Variants in UQCRC2 observed in about 807,000 individuals in gnomAD.
UQCRC2 encodes the protein ubiquinol-cytochrome c reductase core protein 2, also known as cytochrome b-c1 complex subunit 2, mitochondrial.
In UQCRC2, 49 loss-of-function variants were observed where a neutral mutation model predicts 55.6. That is an observed-to-expected ratio of 0.88 (90% CI 0.70 to 1.12). The LOEUF (loss-of-function observed/expected upper bound fraction) is 1.12. Ranked by LOEUF, UQCRC2 falls within the 50% of genes most tolerant of loss-of-function variation. The pLI is 0.00. For synonymous variants in UQCRC2, 193 were observed against 192.0 expected (o/e 1.01, Z -0.04); for missense variants, 506 against 547.8 (o/e 0.92, Z 0.76).
intron 6 of UQCRC2, among the ~76,000 whole-genome samples, chr16:21,963,885 A>G (rs1898262549): frequency 6.6e-6 from 1 of 152,078 alleles, no homozygotes; most frequent in African/African-American, 2.4e-5. Flanking sequence ...CTCTTTATTG[A>G]GTCTTTCCAA....
At chr16:21,969,341 C>T (rs948631005) in intron 8 of UQCRC2, among the ~76,000 whole-genome samples, 1 of 152,092 alleles carries the variant, frequency 6.6e-6, no homozygotes, top group Non-Finnish European at 1.5e-5. Context: ...CAAGACCAGC[C>T]TAGCCAACAT....
Position 21,983,360 on chromosome 16 carries a change from C to T in UQCRC2, c.*189C>T, listed in dbSNP as rs543763530. The T allele has an allele frequency of 9.4e-5, 50 of 530,150 alleles. No individual in the cohort carries two copies. Among genetic ancestry groups the T allele is most frequent in the East Asian group, 2.2e-4 (7 of 32,184 alleles). The allele number at this position is 530,150 out of a possible 1,614,324, so 32.8% of individuals were successfully genotyped here. A position where few individuals can be genotyped will look rare whatever the true frequency, so the allele number is the denominator to read the frequency against. On this transcript the variant is annotated 3_prime_UTR_variant, in exon 14 of 14. Coordinates refer to ENST00000268379, the MANE Select transcript of UQCRC2 (RefSeq NM_003366.4). ...ACATTCTGTTTAAGTGTTTTTCTTA[C>T]GTTTTTCTCAATGAGTTAATCAACA... is the stretch of plus-strand genomic sequence containing the variant.
At chr16:21,956,307 G>C (rs1179307589) in intron 1 of UQCRC2, among the ~76,000 whole-genome samples, 10 of 152,108 alleles carry the variant, frequency 6.6e-5, no homozygotes, top group Admixed American at 6.5e-4. Flanking sequence ...ACTTTGTGAG[G>C]CCGAGGCGGG....
intron 1 of UQCRC2, among the ~76,000 whole-genome samples, chr16:21,955,792 A>T (rs919680613): frequency 8.5e-5 from 13 of 152,068 alleles, no homozygotes; most frequent in Non-Finnish European, 2.9e-5. Flanking sequence ...GAAAATATTG[A>T]GGGCTTGGAG....
At chr16:21,960,095 G>A (rs1214751946) in intron 4 of UQCRC2, among the ~76,000 whole-genome samples, 4 of 152,154 alleles carry the variant, frequency 2.6e-5, no homozygotes, top group African/African-American at 7.2e-5. Flanking sequence ...TCAGCTTGTC[G>A]TTTGAAGCTT....
chr16:21,983,072 G>A lies in UQCRC2; in HGVS notation c.1279-16G>A, dbSNP rs541178433. ...TTTATTTTTGTTAATTTTGTCTTTT[G>A]TTTGTTTCTTTAAAGGCGGCAAAGA... is the stretch of plus-strand genomic sequence containing the variant. On this transcript the variant is annotated splice_polypyrimidine_tract_variant and intron_variant, in intron 13 of 13. Coordinates refer to ENST00000268379, the MANE Select transcript of UQCRC2 (RefSeq NM_003366.4). 9.3e-6 allele frequency: 15 copies of A among 1,606,688 alleles called. No individual in the cohort carries two copies. The East Asian group carries it at 2.9e-4, about 31-fold the overall frequency.
At chr16:21,960,262 T>G (rs1471087856) in intron 4 of UQCRC2, among the ~76,000 whole-genome samples, 2 of 152,230 alleles carry the variant, frequency 1.3e-5, no homozygotes, top group Non-Finnish European at 2.9e-5. Context: ...AGCTTCTATA[T>G]TAGCATTTGC....
chr16:21,962,659 C>T (rs1597954347), intron 5 of UQCRC2, 102 bp from the exon 6 acceptor site: 2 of 1,593,244 alleles, frequency 1.3e-6, no homozygotes, highest in Non-Finnish European at 1.7e-6. Flanking sequence ...CTGCTTACCA[C>T]AAGACCTAAA....
chr16:21,968,804 A>G, intron 8 of UQCRC2, 119 bp downstream of exon 8: 2 of 762,166 alleles, frequency 2.6e-6, no homozygotes, highest in Non-Finnish European at 4.0e-6. Context: ...TATTTATGTC[A>G]GACAGGCAAT....
intron 2 of UQCRC2, 39 bp downstream of exon 2, chr16:21,957,357 C>T: frequency 1.2e-6 from 2 of 1,613,858 alleles, no homozygotes; most frequent in Non-Finnish European, 1.7e-6. Flanking sequence ...GCTATACATG[C>T]CTTACTCTCC....
chr16:21,976,153 CTTATCTGTCCTAGG>C lies in UQCRC2; in HGVS notation c.1048-8_1053del. ...TACTGACCACAGATGACCAACTTTT[CTTATCTGTCCTAGG>C]TTATCAAGGCTGCCTATAATCAAGT... On this transcript the variant is annotated splice_acceptor_variant and splice_polypyrimidine_tract_variant and coding_sequence_variant and intron_variant, in exon 12 of 14. Coordinates refer to ENST00000268379, the MANE Select transcript of UQCRC2 (RefSeq NM_003366.4). LOFTEE classifies it high-confidence loss of function. The C allele has an allele frequency of 6.2e-7, 1 of 1,610,818 alleles. No individual in the cohort carries two copies. Among genetic ancestry groups the C allele is most frequent in the East Asian group, 2.2e-5 (1 of 44,832 alleles).
intron 3 of UQCRC2, among the ~76,000 whole-genome samples, chr16:21,957,908 C>T (rs1312338843): frequency 6.6e-6 from 1 of 152,204 alleles, no homozygotes. Context: ...GCAGTCTCTG[C>T]CTTTGTTGTC....
chr16:21,956,732 GC>G (rs1462803186), intron 1 of UQCRC2, among the ~76,000 whole-genome samples: 1 of 152,074 alleles, frequency 6.6e-6, no homozygotes, highest in Non-Finnish European at 1.5e-5. Flanking sequence ...TTTAAGAATG[GC>G]TTGGGTAAAC....
rs930997270 is a variant in UQCRC2 at position 21,979,236 on chromosome 16, C to T, written c.1125-1311C>T. 9.9e-5 allele frequency among the ~76,000 whole-genome samples: 15 copies of T among 152,210 alleles called. 1 individual carries two copies. The highest frequency in any genetic ancestry group is 6.5e-5 in the Admixed American group (1 of 15,288). Reference sequence around the variant, plus strand: ...CTCTTCAAGATCCCTGGTCTTCACACTGTAGCAGCCAAAAGGTAGGTTTAC... The same window carrying T: ...CTCTTCAAGATCCCTGGTCTTCACATTGTAGCAGCCAAAAGGTAGGTTTAC... On this transcript the variant is annotated intron_variant, in intron 12 of 13. Transcript: ENST00000268379.
intron 4 of UQCRC2, chr16:21,959,608 C>T (rs1898154347): frequency 1.3e-5 from 2 of 152,712 alleles, no homozygotes; most frequent in Non-Finnish European, 2.9e-5. Flanking sequence ...TTGACATCCT[C>T]CCATGAGTCA....
In UQCRC2 at chr16:21,983,080, C is replaced by G. The variant is rs771748561; in HGVS notation, c.1279-8C>G. 9 of 1,607,564 alleles carry G rather than the reference C, an allele frequency of 5.6e-6. No homozygotes were observed. Among genetic ancestry groups the G allele is most frequent in the East Asian group, 4.5e-5 (2 of 44,578 alleles). On this transcript the variant is annotated splice_region_variant and splice_polypyrimidine_tract_variant and intron_variant, in intron 13 of 13. Transcript: ENST00000268379. Reference sequence around the variant, plus strand: ...TGTTAATTTTGTCTTTTGTTTGTTTCTTTAAAGGCGGCAAAGAAGTTTGTT... The same window carrying G: ...TGTTAATTTTGTCTTTTGTTTGTTTGTTTAAAGGCGGCAAAGAAGTTTGTT...
At chr16:21,974,145 C>T (rs1291176250) in intron 11 of UQCRC2, among the ~76,000 whole-genome samples, 169 bp downstream of exon 11, 14 of 152,194 alleles carry the variant, frequency 9.2e-5, no homozygotes, top group Non-Finnish European at 2.9e-5. Context: ...GAAATTTACA[C>T]ATGTATACTA....
chr16:21,967,629 G>A (rs1332270805), intron 7 of UQCRC2, among the ~76,000 whole-genome samples: 6 of 152,048 alleles, frequency 3.9e-5, no homozygotes, highest in South Asian at 2.1e-4. Flanking sequence ...GTAGTTGGTC[G>A]GTTTTAAATA....
At chr16:21,962,295 A>T (rs1376368733) in intron 4 of UQCRC2, 165 bp from the exon 5 acceptor site, 5 of 751,536 alleles carry the variant, frequency 6.7e-6, no homozygotes, top group African/African-American at 3.5e-5. Flanking sequence ...TTTTAAAAAA[A>T]TTTTGAATTT....
Sources: allele counts gnomAD v4.1 joint callset (sites outside exome capture counted in the v4.1 genomes callset), GRCh38; gene constraint gnomAD v4.1.1; transcripts MANE v1.5; gene names NCBI Gene and HGNC (gene_info 2026-07-23, HGNC 2026-07-21).